MACROD2: variants seen among roughly 807,000 people sequenced by gnomAD.
MACROD2 encodes ADP-ribose glycohydrolase MACROD2.
In MACROD2, 36 loss-of-function variants were observed where a neutral mutation model predicts 70.4. The ratio of observed to expected loss-of-function variants is 0.51; its 90% CI spans 0.39 to 0.68. The LOEUF is 0.68. MACROD2 is among the 30% of genes least tolerant of loss of function. The pLI is 0.00. For synonymous variants in MACROD2, 172 were observed against 178.8 expected (o/e 0.96, Z 0.30); for missense variants, 496 against 538.4 (o/e 0.92, Z 0.78).
At chr20:16,018,779 C>G (rs1454677607) in intron 15 of MACROD2, among the ~76,000 whole-genome samples, 1 of 152,132 alleles carries the variant, frequency 6.6e-6, no homozygotes, top group Non-Finnish European at 1.5e-5. Context: ...CAAACATACA[C>G]AAGTCTTTCT....
intron 3 of MACROD2, among the ~76,000 whole-genome samples, chr20:14,241,254 G>A (rs1398860340): frequency 6.6e-6 from 1 of 152,178 alleles, no homozygotes; most frequent in Non-Finnish European, 1.5e-5. Context: ...ATTTATAAAG[G>A]AAAATATCAT....
At chr20:14,973,110 A>T in intron 5 of MACROD2, among the ~76,000 whole-genome samples, 1 of 152,106 alleles carries the variant, frequency 6.6e-6, no homozygotes, top group East Asian at 1.9e-4. Flanking sequence ...CATAAATCAT[A>T]CAGTTAATTA....
At chr20:15,188,582 T>C (rs1422848932) in intron 5 of MACROD2, among the ~76,000 whole-genome samples, 1 of 152,220 alleles carries the variant, frequency 6.6e-6, no homozygotes, top group Non-Finnish European at 1.5e-5. Context: ...AAAGATATGC[T>C]TTTCTCATTG....
chr20:15,350,453 G>A (rs1199541242), intron 6 of MACROD2, among the ~76,000 whole-genome samples: 1 of 152,184 alleles, frequency 6.6e-6, no homozygotes, highest in Non-Finnish European at 1.5e-5. Context: ...GGAGGAAGTG[G>A]TGAGTGGAAG....
At chr20:15,242,715 TA>T (rs1328567001) in intron 6 of MACROD2, among the ~76,000 whole-genome samples, 1 of 152,202 alleles carries the variant, frequency 6.6e-6, no homozygotes, top group Admixed American at 6.5e-5. Context: ...AGTATATTTT[TA>T]AAAATGTAAA....
chr20:14,722,293 A>G (rs1429752495), intron 5 of MACROD2, among the ~76,000 whole-genome samples: 4 of 152,208 alleles, frequency 2.6e-5, no homozygotes, highest in African/African-American at 9.6e-5. Flanking sequence ...GTCCACTCCT[A>G]GTGGGAGGAA....
At chr20:15,395,432 A>G (rs2045847776) in intron 6 of MACROD2, among the ~76,000 whole-genome samples, 1 of 152,128 alleles carries the variant, frequency 6.6e-6, no homozygotes, top group African/African-American at 2.4e-5. Context: ...TCATTCATTT[A>G]CTTATTTATC....
intron 6 of MACROD2, among the ~76,000 whole-genome samples, chr20:15,354,888 A>G (rs2078269046): frequency 6.6e-6 from 1 of 152,228 alleles, no homozygotes; most frequent in African/African-American, 2.4e-5. Flanking sequence ...AGAACTACAT[A>G]GTAATATGTA....
At chr20:14,470,581 CCT>C (rs1172760088) in intron 3 of MACROD2, among the ~76,000 whole-genome samples, 2 of 152,138 alleles carry the variant, frequency 1.3e-5, no homozygotes, top group African/African-American at 2.4e-5. Flanking sequence ...TCTATAAACC[CCT>C]GACTGGGGCT....
chr20:15,204,958 G>A (rs17773241), intron 5 of MACROD2, among the ~76,000 whole-genome samples: 8,952 of 152,180 alleles, frequency 0.059, 319 homozygotes, highest in South Asian at 0.14. Context: ...AACAGCCCTA[G>A]TGTAGAGAAG....
chr20:15,107,805 T>A (rs568774495), intron 5 of MACROD2, among the ~76,000 whole-genome samples: 2 of 152,238 alleles, frequency 1.3e-5, no homozygotes, highest in Admixed American at 1.3e-4. Context: ...TGTGATAGAA[T>A]GTGGGATTTT....
chr20:14,903,420 A>G (rs1328881911), intron 5 of MACROD2, among the ~76,000 whole-genome samples: 1 of 152,114 alleles, frequency 6.6e-6, no homozygotes, highest in Non-Finnish European at 1.5e-5. Flanking sequence ...ACAACCTAAC[A>G]TGACAGTTAA....
At chr20:15,465,707 G>C (rs2046878300) in intron 7 of MACROD2, among the ~76,000 whole-genome samples, 1 of 152,194 alleles carries the variant, frequency 6.6e-6, no homozygotes, top group African/African-American at 2.4e-5. Flanking sequence ...CATGTGGCTG[G>C]GGCTCCACAA....
At chr20:15,382,632 G>T (rs531524700) in intron 6 of MACROD2, among the ~76,000 whole-genome samples, 1 of 152,068 alleles carries the variant, frequency 6.6e-6, no homozygotes, top group East Asian at 1.9e-4. Context: ...ATATTCTTTT[G>T]GTAGGAAAAG....
intron 8 of MACROD2, among the ~76,000 whole-genome samples, chr20:15,527,083 A>C (rs1251966518): frequency 6.6e-6 from 1 of 152,174 alleles, no homozygotes; most frequent in Non-Finnish European, 1.5e-5. Context: ...TCACTATCTC[A>C]GCTTTCCCTC....
Position 14,135,157 on chromosome 20 carries a change from A to G in MACROD2, c.271+49429A>G, listed in dbSNP as rs1186019387. ...ATTAGATTTGTAATTTACATAATCT[A>G]TAAGCATCATCATGAATTCTTTTCA... is the stretch of plus-strand genomic sequence containing the variant. On this transcript the variant is annotated intron_variant, in intron 3 of 17. Transcript: ENST00000684519. Among the ~76,000 whole-genome samples, 10 of 152,316 alleles carry G rather than the reference A, an allele frequency of 6.6e-5. No individual in the cohort carries two copies. In the South Asian group the frequency reaches 1.4e-3, roughly 22 times the overall value.
At chr20:15,046,681 CCTT>C (rs1464456739) in intron 5 of MACROD2, among the ~76,000 whole-genome samples, 3 of 152,094 alleles carry the variant, frequency 2.0e-5, no homozygotes, top group African/African-American at 7.2e-5. Context: ...TTAAAGTCCC[CCTT>C]CTTCTCCATT....
chr20:14,254,038 CAAAT>C (rs2082032919), intron 3 of MACROD2, among the ~76,000 whole-genome samples: 1 of 151,654 alleles, frequency 6.6e-6, no homozygotes, highest in Non-Finnish European at 1.5e-5. Flanking sequence ...CAAAAATTAA[CAAAT>C]AGAGCATTAA....
chr20:15,485,092 A>G (rs962174271), intron 7 of MACROD2, among the ~76,000 whole-genome samples: 3 of 151,710 alleles, frequency 2.0e-5, no homozygotes, highest in African/African-American at 4.8e-5. Flanking sequence ...AACCGCCTAT[A>G]TATTGTTATT....
Sources: allele counts gnomAD v4.1 joint callset (sites outside exome capture counted in the v4.1 genomes callset), GRCh38; gene constraint gnomAD v4.1.1; transcripts MANE v1.5; gene names NCBI Gene and HGNC (gene_info 2026-07-23, HGNC 2026-07-21).